HAVCR1: variants seen among roughly 807,000 people sequenced by gnomAD.
HAVCR1 encodes hepatitis A virus cellular receptor 1.
A neutral mutation model predicts 32.0 loss-of-function variants in HAVCR1; 34 were observed. The observed-to-expected ratio is 1.06, with a 90% CI of 0.81 to 1.42. HAVCR1 has a LOEUF of 1.42. HAVCR1 is among the 40% of genes most tolerant of loss of function. The pLI, the probability that HAVCR1 is intolerant of heterozygous loss-of-function variation, is 0.00. For missense variants in HAVCR1, 420 were observed against 442.3 expected (o/e 0.95, Z 0.45); for synonymous variants, 178 against 170.3 (o/e 1.05, Z -0.35).
At chr5:157,044,603 GAAAGAAAGAAAGAGAAAGAAAGAAAGAA>G (rs1290809044) in intron 5 of HAVCR1, among the ~76,000 whole-genome samples, 8 of 77,278 alleles carry the variant, frequency 1.0e-4, no homozygotes, top group African/African-American at 5.5e-4. Flanking sequence ...AAGAAAGAAA[GAAAGAAAGAAAGAGAAAGAAAGAAAGAA>G]AGAAAGAAAG....
At chr5:157,031,786 G>C (rs1003509267) in intron 8 of HAVCR1, among the ~76,000 whole-genome samples, 1 of 123,214 alleles carries the variant, frequency 8.1e-6, no homozygotes, top group African/African-American at 3.0e-5. Context: ...ATTCCAGCCT[G>C]GGTGTCTCAA....
chr5:157,036,211 G>A (rs1754520038), intron 7 of HAVCR1, among the ~76,000 whole-genome samples: 1 of 152,292 alleles, frequency 6.6e-6, no homozygotes, highest in African/African-American at 2.4e-5. Context: ...GGGCGTGGTG[G>A]CTCATGCCTG....
In HAVCR1 at chr5:157,059,047, T is replaced by C. The variant is rs1756400530; in HGVS notation, c.-139A>G. The C allele has an allele frequency of 6.6e-6, 1 of 152,112 alleles. No homozygotes were observed. The highest frequency in any genetic ancestry group is 2.1e-4 in the South Asian group (1 of 4,820). 9.4% of individuals were successfully genotyped at this position (152,112 alleles called of 1,614,324 possible). On this transcript the variant is annotated 5_prime_UTR_variant, in exon 1 of 9. Transcript: ENST00000523175. ...TGCTTCCTCTATCTCCCACCAAGGA[T>C]TGATATAATAAGCAAAAAGGGCCAC...
chr5:157,035,115 G>A (rs1295588813), intron 7 of HAVCR1, among the ~76,000 whole-genome samples: 3 of 151,730 alleles, frequency 2.0e-5, no homozygotes, highest in African/African-American at 7.3e-5. Context: ...CTCATATTTT[G>A]TGTGGCTTCT....
intron 3 of HAVCR1, 115 bp downstream of exon 3, chr5:157,055,086 G>A (rs1756029538): frequency 6.7e-6 from 4 of 599,080 alleles, no homozygotes; most frequent in Middle Eastern, 3.2e-4. Flanking sequence ...AAGAACAAGA[G>A]TTTATTTAAA....
chr5:157,048,672 T>A (rs1022157028), intron 5 of HAVCR1, among the ~76,000 whole-genome samples: 2 of 151,818 alleles, frequency 1.3e-5, no homozygotes, highest in African/African-American at 2.4e-5. Context: ...CTACTAAAAA[T>A]ACAAAAAATT....
intron 4 of HAVCR1, among the ~76,000 whole-genome samples, chr5:157,051,851 A>T (rs1361325696): frequency 2.0e-5 from 3 of 152,250 alleles, no homozygotes; most frequent in African/African-American, 7.2e-5. Context: ...CCTACAGTGG[A>T]TATAATTATC....
In HAVCR1 at chr5:157,052,642, G is replaced by C. The variant is rs757301673; in HGVS notation, c.392C>G (p.Thr131Ser). ...SLEIVPPKVT[T>S]TPIVTTVPTV... The stretch of plus-strand genomic sequence containing the variant: ...TGGAACAGTTGTGACAATTGGAGTA[G>C]TCGTGACCTTGGCTGGAGTCAGAAA... The change falls in exon 4 of 9, where the codon ACT becomes AGT. Residue 131 changes from threonine (T) to serine (S), a missense_variant. Coordinates refer to ENST00000523175, the MANE Select transcript of HAVCR1 (RefSeq NM_001173393.3). The C allele has an allele frequency of 1.2e-6, 2 of 1,613,276 alleles. No individual in the cohort carries two copies. The highest frequency in any genetic ancestry group is 1.7e-6 in the Non-Finnish European group (2 of 1,179,212).
upstream of HAVCR1, among the ~76,000 whole-genome samples, chr5:157,063,803 A>G (rs1225978812): frequency 6.6e-6 from 1 of 152,224 alleles, no homozygotes; most frequent in African/African-American, 2.4e-5. Flanking sequence ...TATTACTTTC[A>G]CCAAGAAGGT....
chr5:157,066,753 A>T, the HAVCR1 span, among the ~76,000 whole-genome samples: 3 of 152,152 alleles, frequency 2.0e-5, no homozygotes, highest in African/African-American at 7.2e-5. Context: ...GGGAAACTCC[A>T]GGTTGATTGC....
At chr5:157,058,143 G>A (rs1161070529) in intron 1 of HAVCR1, 188 bp from the exon 2 acceptor site, 1 of 555,206 alleles carries the variant, frequency 1.8e-6, no homozygotes, top group African/African-American at 1.9e-5. Context: ...GCAGCTGAGA[G>A]CTCTGTGCCT....
chr5:157,069,186 T>C, the HAVCR1 span, among the ~76,000 whole-genome samples: 1 of 152,240 alleles, frequency 6.6e-6, no homozygotes. Flanking sequence ...ATGATTCCAT[T>C]GAAATAAAAG....
In HAVCR1 at chr5:157,055,551, C is replaced by A; in HGVS notation, c.47-18G>T. On this transcript the variant is annotated intron_variant, in intron 2 of 8. Transcript: ENST00000523175. ...TACAGAATCTGCAAAGAAGAAAAGA[C>A]AAACTGAGAATGAGCCCTCACTATT... 1 of 1,457,278 alleles carries A rather than the reference C, an allele frequency of 6.9e-7. No homozygotes were observed. The highest frequency in any genetic ancestry group is 9.4e-7 in the Non-Finnish European group (1 of 1,066,056). 90.3% of individuals were successfully genotyped at this position (1,457,278 alleles called of 1,614,324 possible). A position where few individuals can be genotyped will look rare whatever the true frequency, so the allele number is the denominator to read the frequency against.
intron 2 of HAVCR1, 39 bp downstream of exon 2, chr5:157,057,859 C>A: frequency 6.6e-7 from 1 of 1,524,794 alleles, no homozygotes; most frequent in South Asian, 1.1e-5. Context: ...TAACCCCCCT[C>A]TACTCCCTTC....
chr5:157,067,405 T>G, the HAVCR1 span, among the ~76,000 whole-genome samples: 2 of 152,180 alleles, frequency 1.3e-5, no homozygotes, highest in African/African-American at 2.4e-5. Flanking sequence ...TACTCACTAA[T>G]CTTTGCAAGC....
upstream of HAVCR1, among the ~76,000 whole-genome samples, chr5:157,061,971 T>G (rs1756499154): frequency 6.6e-6 from 1 of 152,166 alleles, no homozygotes; most frequent in Admixed American, 6.5e-5. Flanking sequence ...CCATCTCCCA[T>G]GAGAGACGCC....
At chr5:157,052,319 C>A (rs1398467473) in intron 4 of HAVCR1, 42 bp downstream of exon 4, 1 of 1,579,178 alleles carries the variant, frequency 6.3e-7, no homozygotes, top group Admixed American at 1.7e-5. Flanking sequence ...TCCGCAGCTC[C>A]TCATTAGAAG....
chr5:157,047,797 G>C (rs1755495789), intron 5 of HAVCR1, among the ~76,000 whole-genome samples: 1 of 152,170 alleles, frequency 6.6e-6, no homozygotes. Flanking sequence ...GAGGGTTGTG[G>C]GAACCCCAAC....
chr5:157,053,415 T>C (rs1317551526), intron 3 of HAVCR1, among the ~76,000 whole-genome samples: 4 of 147,150 alleles, frequency 2.7e-5, no homozygotes, highest in African/African-American at 1.0e-4. Context: ...ATTGACCTCA[T>C]CTTGCTCACC....
Sources: gnomAD v4.1 joint callset for allele counts (sites outside exome capture counted in the v4.1 genomes callset) on GRCh38, gnomAD v4.1.1 for gene constraint, MANE v1.5 for transcripts, NCBI Gene and HGNC (gene_info 2026-07-23, HGNC 2026-07-21) for gene names.